The following SOX5 variants were observed in gnomAD, a reference collection of about 807,000 sequenced individuals.
The protein encoded by SOX5 is SRY-box transcription factor 5.
In SOX5, 9 loss-of-function variants were observed where a neutral mutation model predicts 92.0. The ratio of observed to expected loss-of-function variants is 0.10; its 90% CI spans 0.06 to 0.17. SOX5 has a LOEUF of 0.17. Among genes scored for constraint, SOX5 ranks in the 10% least tolerant of loss-of-function variants. The probability of loss-of-function intolerance (pLI) is 1.00; values close to 1 mark genes in which losing one functional copy is unlikely to be tolerated. For missense variants in SOX5, 642 were observed against 944.5 expected (o/e 0.68, Z 4.20); for synonymous variants, 344 against 336.3 (o/e 1.02, Z -0.25).
At chr12:24,522,062 G>C (rs1309690536) in intron 1 of SOX5, among the ~76,000 whole-genome samples, 2 of 150,670 alleles carry the variant, frequency 1.3e-5, no homozygotes, top group Non-Finnish European at 3.0e-5. Flanking sequence ...AGAGAGAGAA[G>C]ACCCAAAATC....
chr12:24,402,946 A>C (rs1320707903), intron 1 of SOX5, among the ~76,000 whole-genome samples: 1 of 152,096 alleles, frequency 6.6e-6, no homozygotes. Context: ...CTGAAGGTTA[A>C]TTTTTCTAAA....
chr12:24,484,870 A>T (rs900148124), intron 1 of SOX5, among the ~76,000 whole-genome samples: 2 of 152,214 alleles, frequency 1.3e-5, no homozygotes, highest in African/African-American at 4.8e-5. Flanking sequence ...GAAATAAAAC[A>T]TAAGTAAATG....
At chr12:24,500,200 T>C (rs1195506322) in intron 1 of SOX5, among the ~76,000 whole-genome samples, 1 of 152,224 alleles carries the variant, frequency 6.6e-6, no homozygotes, top group East Asian at 1.9e-4. Context: ...TAGGAAGTCA[T>C]ATAAATTTTC....
At chr12:23,540,309 A>G (rs1024147699) in intron 13 of SOX5, among the ~76,000 whole-genome samples, 1 of 150,974 alleles carries the variant, frequency 6.6e-6, no homozygotes, top group Non-Finnish European at 1.5e-5. Flanking sequence ...TGGCACATGT[A>G]TACATATGTA....
intron 8 of SOX5, among the ~76,000 whole-genome samples, chr12:23,630,082 C>T (rs952184274): frequency 6.6e-6 from 1 of 151,746 alleles, no homozygotes; most frequent in Non-Finnish European, 1.5e-5. Flanking sequence ...AATGGCTATA[C>T]AAGAAAATAT....
intron 1 of SOX5, among the ~76,000 whole-genome samples, chr12:24,374,170 G>A (rs1406685126): frequency 1.3e-5 from 2 of 152,120 alleles, no homozygotes; most frequent in East Asian, 3.9e-4. Context: ...CTCCATATTG[G>A]TATTAATATT....
At chr12:23,946,130 T>C (rs16926892) in intron 1 of SOX5, among the ~76,000 whole-genome samples, 63,853 of 151,918 alleles carry the variant, frequency 0.42, 14,073 homozygotes, top group African/African-American at 0.51. Flanking sequence ...AGTTAATTTT[T>C]ATTGCAGAAG....
chr12:23,769,994 G>T (rs1227311378), intron 3 of SOX5, among the ~76,000 whole-genome samples: 5 of 146,492 alleles, frequency 3.4e-5, no homozygotes, highest in Non-Finnish European at 6.0e-5. Flanking sequence ...AAAGGCCTCT[G>T]TTGGAGTTTC....
rs869143890 is a variant in SOX5 at position 23,966,203 on chromosome 12, C to CAAAAAAAAAAAAAAAAAAAAAAAAAAAA, written c.-1-70207_-1-70180dup. On this transcript the variant is annotated intron_variant, in intron 4 of 4. Transcript: ENST00000446891. ...TTTCTTCAGAGGGACACTCAATATC[C>CAAAAAAAAAAAAAAAAAAAAAAAAAAAA]AAAAAAAAAAAAAAAAAAAAAAAAA... Among the ~76,000 whole-genome samples, 41 of 57,334 alleles carry CAAAAAAAAAAAAAAAAAAAAAAAAAAAA rather than the reference C, an allele frequency of 7.2e-4. 8 individuals carry two copies. The highest frequency in any genetic ancestry group is 9.5e-4 in the Non-Finnish European group (29 of 30,642). The allele number at this position is 57,334 out of a possible 152,430, so 37.6% of individuals were successfully genotyped here.
chr12:24,499,480 C>G (rs1227256984), intron 1 of SOX5, among the ~76,000 whole-genome samples: 2 of 152,198 alleles, frequency 1.3e-5, no homozygotes, highest in Non-Finnish European at 2.9e-5. Flanking sequence ...AGGGAAGGAA[C>G]CTGGAGCATG....
intron 1 of SOX5, among the ~76,000 whole-genome samples, chr12:24,420,223 A>T (rs1298572148): frequency 6.6e-6 from 1 of 152,246 alleles, no homozygotes; most frequent in Non-Finnish European, 1.5e-5. Flanking sequence ...TTAGGCCTAT[A>T]AATAAAGACA....
chr12:23,696,274 A>AT (rs2089841552), intron 6 of SOX5, among the ~76,000 whole-genome samples: 1 of 151,988 alleles, frequency 6.6e-6, no homozygotes, highest in African/African-American at 2.4e-5. Context: ...TTGTGGGATG[A>AT]TTTTTAACTG....
Position 23,804,945 on chromosome 12 carries a change from A to ATG in SOX5, c.481+41037_481+41038insCA, listed in dbSNP as rs1303521740. Among the ~76,000 whole-genome samples, 6 of 30,002 alleles carry ATG rather than the reference A, an allele frequency of 2.0e-4. No individual in the cohort carries two copies. The East Asian group carries it at 6.7e-3, about 33-fold the overall frequency. 19.7% of individuals were successfully genotyped at this position (30,002 alleles called of 152,430 possible). A position where few individuals can be genotyped will look rare whatever the true frequency, so the allele number is the denominator to read the frequency against. ...TATATATATATATATATATATATAT[A>ATG]TATATATATATATATATATATATTC... On this transcript the variant is annotated intron_variant, in intron 3 of 14. Transcript: ENST00000451604.
chr12:23,898,500 G>A (rs1051015871), intron 1 of SOX5, among the ~76,000 whole-genome samples: 8 of 152,254 alleles, frequency 5.3e-5, no homozygotes, highest in Admixed American at 3.9e-4. Flanking sequence ...CCTTTCTGTT[G>A]ATTTCTACTT....
intron 4 of SOX5, among the ~76,000 whole-genome samples, chr12:24,047,353 A>G (rs924651209): frequency 5.9e-5 from 9 of 152,360 alleles, no homozygotes; most frequent in Admixed American, 2.6e-4. Flanking sequence ...CTTTAAATGA[A>G]GCAAAAAGGA....
At chr12:24,513,905 G>A (rs1043101688) in intron 1 of SOX5, among the ~76,000 whole-genome samples, 1 of 152,156 alleles carries the variant, frequency 6.6e-6, no homozygotes, top group African/African-American at 2.4e-5. Flanking sequence ...TATTTTACAA[G>A]GTAATCCTTT....
intron 3 of SOX5, among the ~76,000 whole-genome samples, chr12:24,234,330 A>T (rs1008356101): frequency 6.6e-6 from 1 of 152,328 alleles, no homozygotes; most frequent in Non-Finnish European, 1.5e-5. Context: ...AAAAAATTTC[A>T]ATCAGTAGAA....
At chr12:23,943,673 G>C (rs561361405) in intron 1 of SOX5, among the ~76,000 whole-genome samples, 2 of 152,204 alleles carry the variant, frequency 1.3e-5, no homozygotes, top group South Asian at 4.1e-4. Context: ...TAACACTAGA[G>C]AGCCAAGTGA....
intron 1 of SOX5, among the ~76,000 whole-genome samples, chr12:24,424,852 T>TAC (rs748592381): frequency 4.1e-5 from 6 of 144,996 alleles, no homozygotes; most frequent in Admixed American, 7.2e-5. Context: ...CACATTGTAA[T>TAC]ACACACACAC....
Sources: allele counts gnomAD v4.1 joint callset (sites outside exome capture counted in the v4.1 genomes callset), GRCh38; gene constraint gnomAD v4.1.1; transcripts MANE v1.5; gene names NCBI Gene and HGNC (gene_info 2026-07-23, HGNC 2026-07-21).